The following FRAS1 variants were observed in gnomAD, a reference collection of about 807,000 sequenced individuals.
FRAS1 encodes extracellular matrix organizing protein FRAS1.
In FRAS1, 290 loss-of-function variants were observed where a neutral mutation model predicts 435.2. The ratio of observed to expected loss-of-function variants is 0.67; its 90% confidence interval spans 0.61 to 0.73. The LOEUF is 0.73. FRAS1 is among the 30% of genes least tolerant of loss of function. FRAS1 has a pLI of 0.00. For synonymous variants in FRAS1, 1,800 were observed against 1,851.0 expected (o/e 0.97, Z 0.71); for missense variants, 4,860 against 5,001.5 (o/e 0.97, Z 0.85).
chr4:78,077,355 CGG>C (rs1740689787), intron 2 of FRAS1, among the ~76,000 whole-genome samples: 1 of 152,062 alleles, frequency 6.6e-6, no homozygotes, highest in Non-Finnish European at 1.5e-5. Flanking sequence ...GGGTGACAGA[CGG>C]AGACCCTGTC....
chr4:78,271,345 G>T (rs1646270173), intron 9 of FRAS1, among the ~76,000 whole-genome samples: 1 of 151,402 alleles, frequency 6.6e-6, no homozygotes, highest in African/African-American at 2.4e-5. Flanking sequence ...TTAAGTTCTG[G>T]GGTGCATGTG....
chr4:78,161,914 A>G (rs557999316), intron 2 of FRAS1, among the ~76,000 whole-genome samples: 37 of 152,216 alleles, frequency 2.4e-4, no homozygotes, highest in Non-Finnish European at 1.5e-5. Flanking sequence ...GAAATTTTGT[A>G]TTGAAAATTG....
At position 78,363,625 on chromosome 4, in the gene FRAS1, C is replaced by T. The variant is rs1446114547; in HGVS notation, c.2535C>T (p.Asp845=). Residue 845 remains aspartate, a synonymous_variant, in exon 21 of 74, where the codon GAC becomes GAT. Transcript: ENST00000512123. ...TGCTCGGGGACCACTGTGTTCCTGACTGCCCTTCAGGATACTATGCAGAGA... is the reference window on the plus strand; with the variant it reads ...TGCTCGGGGACCACTGTGTTCCTGATTGCCCTTCAGGATACTATGCAGAGA... ...YLLLGDHCVP[D]CPSGYYAERG... 6.2e-7 allele frequency: 1 copy of T among 1,603,872 alleles called. No individual in the cohort carries two copies. The highest frequency in any genetic ancestry group is 8.5e-7 in the Non-Finnish European group (1 of 1,175,278).
At chr4:78,461,779 A>C (rs919979917) in intron 47 of FRAS1, among the ~76,000 whole-genome samples, 1 of 152,256 alleles carries the variant, frequency 6.6e-6, no homozygotes. Context: ...GCTTATGTCC[A>C]TACAAAGATT....
chr4:78,517,430 A>G (rs1215958006), intron 66 of FRAS1, among the ~76,000 whole-genome samples: 1 of 152,250 alleles, frequency 6.6e-6, no homozygotes, highest in Non-Finnish European at 1.5e-5. Flanking sequence ...TATTCAGAAT[A>G]TGCTTAAAAA....
At position 78,333,314 on chromosome 4, in the gene FRAS1, A is replaced by G; in HGVS notation, c.2180A>G (p.His727Arg). ...TTCAGATGTGCAGGGAAAAGCCCAC[A>G]TAACTGCACAGACTGTGGGCCTTCC... is the stretch of plus-strand genomic sequence containing the variant. ...SCFRCAGKSP[H>R]NCTDCGPSHV... Residue 727 changes from histidine (H) to arginine (R), a missense_variant, in exon 19 of 74, where the codon CAT (histidine) becomes CGT (arginine). His to Arg is a conservative substitution (Grantham distance 29). Coordinates refer to ENST00000512123, the MANE Select transcript of FRAS1 (RefSeq NM_025074.7). 2 of 1,611,746 alleles carry G rather than the reference A, an allele frequency of 1.2e-6. No homozygotes were observed. The highest frequency in any genetic ancestry group is 1.7e-6 in the Non-Finnish European group (2 of 1,178,932).
chr4:78,243,123 T>G (rs6846522), intron 3 of FRAS1, among the ~76,000 whole-genome samples: 37,173 of 152,088 alleles, frequency 0.24, 5,310 homozygotes, highest in Non-Finnish European at 0.33. Flanking sequence ...AGGTTTTGGC[T>G]GCAAACCTCA....
At chr4:78,142,974 GC>G (rs1216472265) in intron 2 of FRAS1, among the ~76,000 whole-genome samples, 1 of 151,924 alleles carries the variant, frequency 6.6e-6, no homozygotes, top group Non-Finnish European at 1.5e-5. Context: ...CAAGTATAAA[GC>G]AAACAGTAAC....
rs781472237 is a variant in FRAS1 at position 78,418,957 on chromosome 4, A to G, written c.4434A>G (p.Glu1478=). ...TCTTAAACTTTGTTTAGGCTAGAGA[A>G]GATGGCCTGACTGTTATTCAGCCTC... is the stretch of plus-strand genomic sequence containing the variant. The part of the protein sequence containing the change: ...LEASLHMTAR[E]DGLTVIQPHS... Residue 1478 remains glutamate, a synonymous_variant, in exon 33 of 74, where the codon GAA becomes GAG. Coordinates refer to ENST00000512123, the MANE Select transcript of FRAS1 (RefSeq NM_025074.7). 1.5e-5 allele frequency: 24 copies of G among 1,595,904 alleles called. No individual in the cohort carries two copies. The highest frequency in any genetic ancestry group is 1.5e-4 in the African/African-American group (11 of 74,178).
intron 38 of FRAS1, among the ~76,000 whole-genome samples, chr4:78,437,541 ACT>A (rs1734479195): frequency 6.6e-6 from 1 of 152,124 alleles, no homozygotes. Flanking sequence ...TTGAATTGAG[ACT>A]CTGAACTACT....
chr4:78,317,430 C>G lies in FRAS1; in HGVS notation c.1882C>G (p.Pro628Ala), dbSNP rs199542867. The part of the protein sequence containing the change: ...PTPSHCTACS[P>A]PKALRQGHCL... ...ACCCTCTCACTGTACAGCCTGCAGC[C>G]CCCCCAAGGCTCTGCGTCAAGGCCA... is the stretch of plus-strand genomic sequence containing the variant. The change falls in exon 17 of 74, where the codon CCC becomes GCC. Residue 628 changes from proline to alanine, a missense_variant. Physicochemically the swap from Pro to Ala is conservative, Grantham distance 27 (BLOSUM62 -1). Coordinates refer to ENST00000512123, the MANE Select transcript of FRAS1 (RefSeq NM_025074.7). The G allele has an allele frequency of 3.7e-6, 6 of 1,613,676 alleles. No individual in the cohort carries two copies. The Admixed American group carries it at 5.0e-5, about 13-fold the overall frequency.
At chr4:78,346,360 A>G (rs953790557) in intron 20 of FRAS1, among the ~76,000 whole-genome samples, 1 of 152,180 alleles carries the variant, frequency 6.6e-6, no homozygotes, top group Non-Finnish European at 1.5e-5. Context: ...TGTGATTAGT[A>G]CCATCTGCAT....
intron 2 of FRAS1, among the ~76,000 whole-genome samples, chr4:78,197,767 C>A (rs1722877181): frequency 6.6e-6 from 1 of 152,000 alleles, no homozygotes; most frequent in African/African-American, 2.4e-5. Context: ...CGGTGAAACC[C>A]CATCTCTACT....
chr4:78,429,330 C>T, intron 36 of FRAS1, 104 bp downstream of exon 36: 1 of 1,393,206 alleles, frequency 7.2e-7, no homozygotes, highest in South Asian at 1.5e-5. Context: ...ACTCTTCTTC[C>T]AGAAGTTGCC....
At chr4:78,309,491 C>T in intron 15 of FRAS1, among the ~76,000 whole-genome samples, 1 of 152,124 alleles carries the variant, frequency 6.6e-6, no homozygotes. Context: ...TATAACCATT[C>T]TCATTTTCCA....
intron 29 of FRAS1, among the ~76,000 whole-genome samples, chr4:78,393,284 G>C (rs1732523663): frequency 6.6e-6 from 1 of 151,886 alleles, no homozygotes; most frequent in Non-Finnish European, 1.5e-5. Flanking sequence ...GATAGTCATA[G>C]GCACTATGCT....
intron 2 of FRAS1, among the ~76,000 whole-genome samples, chr4:78,091,801 A>G (rs4367203): frequency 0.95 from 144,522 of 151,714 alleles, 69,207 homozygotes; most frequent in Non-Finnish European, 1. Context: ...CATACTGCAG[A>G]TGCACACCAC....
chr4:78,113,272 G>A (rs1441206175), intron 2 of FRAS1, among the ~76,000 whole-genome samples: 1 of 152,114 alleles, frequency 6.6e-6, no homozygotes, highest in Non-Finnish European at 1.5e-5. Flanking sequence ...ATTGTGAATA[G>A]TGCCGCAACA....
chr4:78,285,344 A>G (rs1446046937), intron 13 of FRAS1, among the ~76,000 whole-genome samples: 2 of 150,098 alleles, frequency 1.3e-5, no homozygotes, highest in Non-Finnish European at 1.5e-5. Context: ...TGGGTAACAT[A>G]GTGAGACTCC....
Sources: allele counts gnomAD v4.1 joint callset (sites outside exome capture counted in the v4.1 genomes callset), GRCh38; gene constraint gnomAD v4.1.1; transcripts MANE v1.5; gene names NCBI Gene and HGNC (gene_info 2026-07-23, HGNC 2026-07-21).